SYNE1: variants seen among roughly 807,000 people sequenced by gnomAD.
SYNE1 encodes the protein spectrin repeat containing nuclear envelope protein 1.
Under a neutral mutation model 1,111.0 loss-of-function variants are expected in SYNE1, and 616 were observed. That is an observed-to-expected ratio of 0.55 (90% CI 0.52 to 0.59). SYNE1 has a LOEUF of 0.59. SYNE1 is among the 20% of genes least tolerant of loss of function. The pLI, the probability that SYNE1 is intolerant of heterozygous loss-of-function variation, is 0.00. For synonymous variants in SYNE1, 3,855 were observed against 3,825.8 expected (o/e 1.01, Z -0.28); for missense variants, 10,006 against 10,417.0 (o/e 0.96, Z 1.72).
At chr6:152,626,037 C>A (rs563200062) in intron 3 of SYNE1, among the ~76,000 whole-genome samples, 25 of 152,246 alleles carry the variant, frequency 1.6e-4, no homozygotes, top group African/African-American at 5.8e-4. Context: ...GGGTGAGAGG[C>A]TCTAGCTCTT....
intron 74 of SYNE1, among the ~76,000 whole-genome samples, chr6:152,341,614 T>C (rs559196032): frequency 6.6e-6 from 1 of 152,168 alleles, no homozygotes; most frequent in East Asian, 1.9e-4. Flanking sequence ...AGACGGGTGG[T>C]GTTGGGGATA....
intron 22 of SYNE1, among the ~76,000 whole-genome samples, chr6:152,457,205 T>C (rs1251364660): frequency 1.3e-5 from 2 of 150,854 alleles, no homozygotes; most frequent in Non-Finnish European, 3.0e-5. Flanking sequence ...CCACTTATTA[T>C]ATGCTAGTGA....
At chr6:152,511,660 G>A in intron 6 of SYNE1, 1 of 1,500,076 alleles carries the variant, frequency 6.7e-7, no homozygotes, top group South Asian at 1.1e-5. Flanking sequence ...AGCATTATTT[G>A]TTCAAAGGGA....
intron 5 of SYNE1, among the ~76,000 whole-genome samples, chr6:152,522,762 G>C (rs1370659183): frequency 6.6e-6 from 1 of 151,996 alleles, no homozygotes; most frequent in Non-Finnish European, 1.5e-5. Flanking sequence ...CAGGGGTAAG[G>C]TGGTATCTCA....
rs566846470 is a variant in SYNE1 at position 152,362,389 on chromosome 6, T to C, written c.10146-66A>G. 9 of 1,606,072 alleles carry C rather than the reference T, an allele frequency of 5.6e-6. No individual in the cohort carries two copies. In the East Asian group the frequency reaches 1.3e-4, roughly 24 times the overall value. On this transcript the variant is annotated intron_variant, in intron 63 of 145. Transcript: ENST00000367255. ...TCCTTAGGAGTCTAAAATGTCATTG[T>C]GTCTGCTCCATCCACTCCAGTAAGC...
At chr6:152,312,009 C>A (rs2095567035) in intron 87 of SYNE1, among the ~76,000 whole-genome samples, 1 of 152,174 alleles carries the variant, frequency 6.6e-6, no homozygotes, top group Non-Finnish European at 1.5e-5. Context: ...TGGTCTCGAT[C>A]TCCTGACCTC....
At chr6:152,557,764 C>T (rs995085067) in intron 3 of SYNE1, among the ~76,000 whole-genome samples, 1 of 152,012 alleles carries the variant, frequency 6.6e-6, no homozygotes, top group Non-Finnish European at 1.5e-5. Flanking sequence ...CCTAGATAAA[C>T]AAAAACTGTG....
At chr6:152,426,682 T>C (rs1015666940) in intron 38 of SYNE1, among the ~76,000 whole-genome samples, 1 of 152,206 alleles carries the variant, frequency 6.6e-6, no homozygotes, top group African/African-American at 2.4e-5. Flanking sequence ...AGGAACCAGA[T>C]TGTAGATCAG....
chr6:152,379,984 A>G (rs2097373143), intron 56 of SYNE1, among the ~76,000 whole-genome samples: 1 of 152,234 alleles, frequency 6.6e-6, no homozygotes, highest in Admixed American at 6.5e-5. Context: ...GCAATTATCA[A>G]CTTCTTTGTC....
At chr6:152,268,764 C>T (rs1431462360) in intron 99 of SYNE1, among the ~76,000 whole-genome samples, 1 of 152,062 alleles carries the variant, frequency 6.6e-6, no homozygotes, top group Non-Finnish European at 1.5e-5. Flanking sequence ...AAAATACAAA[C>T]TGCATTCATT....
At chr6:152,427,197 T>C (rs976844945) in intron 38 of SYNE1, among the ~76,000 whole-genome samples, 10 of 152,256 alleles carry the variant, frequency 6.6e-5, no homozygotes, top group Admixed American at 2.0e-4. Context: ...CCTACATTTG[T>C]GCTCATTCAT....
chr6:152,224,003 G>A (rs1435055648), intron 117 of SYNE1, among the ~76,000 whole-genome samples: 3 of 152,216 alleles, frequency 2.0e-5, no homozygotes, highest in African/African-American at 7.2e-5. Flanking sequence ...AGGAAACCAA[G>A]CAGTAAGTGC....
At chr6:152,562,107 A>T (rs1177906213) in intron 3 of SYNE1, among the ~76,000 whole-genome samples, 3 of 152,234 alleles carry the variant, frequency 2.0e-5, no homozygotes, top group Non-Finnish European at 4.4e-5. Flanking sequence ...GGGAACATCA[A>T]CAGAGGGAAG....
At chr6:152,188,833 C>T in intron 128 of SYNE1, among the ~76,000 whole-genome samples, 1 of 150,550 alleles carries the variant, frequency 6.6e-6, no homozygotes, top group Non-Finnish European at 1.5e-5. Flanking sequence ...TGGCAGGTGC[C>T]TGTAGTCCCA....
chr6:152,563,200 T>G (rs2099400631), intron 3 of SYNE1, among the ~76,000 whole-genome samples: 1 of 152,118 alleles, frequency 6.6e-6, no homozygotes, highest in Admixed American at 6.6e-5. Context: ...TTTTGGTAAA[T>G]TATCCTAATT....
At chr6:152,531,300 C>A (rs977384484) in intron 4 of SYNE1, among the ~76,000 whole-genome samples, 1 of 152,078 alleles carries the variant, frequency 6.6e-6, no homozygotes, top group African/African-American at 2.4e-5. Context: ...TGTCACACCT[C>A]AACAAAAGTT....
chr6:152,171,299 C>T (rs1000242081), intron 130 of SYNE1, among the ~76,000 whole-genome samples: 5 of 152,160 alleles, frequency 3.3e-5, no homozygotes, highest in Non-Finnish European at 7.3e-5. Context: ...AGCCCGAAGC[C>T]AATGCTTTGC....
At chr6:152,347,260 G>C (rs771131767) in intron 72 of SYNE1, 25 bp from the exon 73 acceptor site, 1 of 1,613,664 alleles carries the variant, frequency 6.2e-7, no homozygotes, top group South Asian at 1.1e-5. Context: ...CCAATACAGA[G>C]TTTTCAGAAT....
chr6:152,483,339 A>T, intron 13 of SYNE1, 90 bp from the exon 14 acceptor site: 6 of 1,087,758 alleles, frequency 5.5e-6, no homozygotes, highest in Non-Finnish European at 6.9e-6. Flanking sequence ...GCATACATAA[A>T]GCTTTAAGTT....
Sources: allele counts gnomAD v4.1 joint callset (sites outside exome capture counted in the v4.1 genomes callset), GRCh38; gene constraint gnomAD v4.1.1; transcripts MANE v1.5; gene names NCBI Gene and HGNC (gene_info 2026-07-23, HGNC 2026-07-21).